RNF112: variants seen among roughly 807,000 people sequenced by gnomAD.
RNF112 encodes brain finger protein.
Under a neutral mutation model 64.7 loss-of-function variants are expected in RNF112, and 34 were observed. The ratio of observed to expected loss-of-function variants is 0.53; its 90% CI spans 0.40 to 0.70. RNF112 has a LOEUF of 0.70. RNF112 is among the 30% of genes least tolerant of loss of function. RNF112 has a pLI of 0.00. For missense variants in RNF112, 734 were observed against 850.0 expected, an observed-to-expected ratio of 0.86 and a Z score of 1.70; for synonymous variants, 345 against 344.5, an observed-to-expected ratio of 1.00 and a Z score of -0.02.
rs1913732492 is a variant in RNF112, at chr17:19,413,219, T to A, written c.589-61T>A. 1 of 1,595,308 alleles carries A rather than the reference T, an allele frequency of 6.3e-7. No homozygotes were observed. Among genetic ancestry groups the A allele is most frequent in the South Asian group, 1.1e-5 (1 of 88,882 alleles). ...CCTGCCTGGGGGAAGCTGGGTCTGG[T>A]ATTCCGGTCTGTGGGGACAAGGAAC... is the stretch of plus-strand genomic sequence containing the variant. On this transcript the variant is annotated intron_variant, in intron 4 of 13. Transcript: ENST00000461366. The surrounding 1 kb of genome is among the most constrained non-coding windows in gnomAD (Gnocchi z 5.9).
Position 19,416,237 on chromosome 17 carries a change from G to T in RNF112, c.*62G>T. The stretch of plus-strand genomic sequence containing the variant: ...AGGTGGGGATGAAGAAGAGGGGCAG[G>T]TCGGGGGAGGGTGATGCCAGGGATT... On this transcript the variant is annotated 3_prime_UTR_variant, in exon 14 of 14. Transcript: ENST00000461366. The T allele has an allele frequency of 7.1e-7, 1 of 1,415,608 alleles. No homozygotes were observed. The highest frequency in any genetic ancestry group is 1.4e-5 in the South Asian group (1 of 72,830). 87.7% of individuals were successfully genotyped at this position (1,415,608 alleles called of 1,614,324 possible).
Position 19,415,671 on chromosome 17 carries a change from G to T in RNF112, c.1426-34G>T. ...AGGGAGAGGATACCTGGGACTCCTG[G>T]TCAGGGCACCTTCTTTTCCCCTCCC... is the stretch of plus-strand genomic sequence containing the variant. On this transcript the variant is annotated intron_variant, in intron 13 of 13. Transcript: ENST00000461366. This position sits in a 1 kb window ranked among gnomAD's most constrained non-coding sequence, Gnocchi z 7.8. 5 of 1,600,852 alleles carry T rather than the reference G, an allele frequency of 3.1e-6. No homozygotes were observed. The highest frequency in any genetic ancestry group is 4.3e-6 in the Non-Finnish European group (5 of 1,172,560).
At position 19,415,355 on chromosome 17, in the gene RNF112, G is replaced by T; in HGVS notation, c.1350+16G>T. 1.3e-6 allele frequency: 2 copies of T among 1,590,446 alleles called. No homozygotes were observed. The highest frequency in any genetic ancestry group is 1.7e-6 in the Non-Finnish European group (2 of 1,167,816). On this transcript the variant is annotated intron_variant, in intron 12 of 13. Coordinates refer to ENST00000461366, the MANE Select transcript of RNF112 (RefSeq NM_007148.5). This position sits in a 1 kb window ranked among gnomAD's most constrained non-coding sequence, Gnocchi z 7.8. ...TCCGGATGAGGTATGAGCGCTGGGG[G>T]ATCCAGCATTCTGGCAGGGAGACAG...
intron 1 of RNF112, 21 bp from the exon 2 acceptor site, chr17:19,411,604 CTTTTT>C (rs33912708): frequency 1.6e-4 from 229 of 1,411,514 alleles, no homozygotes; most frequent in Middle Eastern, 6.4e-4. Context: ...TGTTCTAAAT[CTTTTT>C]TTTTTTTTTT....
In RNF112 at chr17:19,413,065, G is replaced by T; in HGVS notation, c.509G>T (p.Cys170Phe). 1.2e-6 allele frequency: 2 copies of T among 1,613,368 alleles called. No individual in the cohort carries two copies. The highest frequency in any genetic ancestry group is 1.7e-6 in the Non-Finnish European group (2 of 1,179,814). ...CCTCTGGCCAGGGACACCCCAGTCTGCCTCCTCGCTGTCCTGGGGGAGCAG... is the reference window on the plus strand; with the variant it reads ...CCTCTGGCCAGGGACACCCCAGTCTTCCTCCTCGCTGTCCTGGGGGAGCAG... ...KHPLARDTPV[C>F]LLAVLGEQHS... Residue 170 changes from cysteine (C) to phenylalanine (F), a missense_variant, in exon 4 of 14, where the codon TGC becomes TTC. Transcript: ENST00000461366. This position sits in a 1 kb window ranked among gnomAD's most constrained non-coding sequence, Gnocchi z 5.9.
Position 19,413,075 on chromosome 17 carries a change from T to C in RNF112, c.519T>C (p.Ala173=), listed in dbSNP as rs762047999. 47 of 1,613,264 alleles carry C rather than the reference T, an allele frequency of 2.9e-5. No homozygotes were observed. The South Asian group carries it at 5.1e-4, about 17-fold the overall frequency. ...GGGACACCCCAGTCTGCCTCCTCGCTGTCCTGGGGGAGCAGCACTCAGGGA... is the reference window on the plus strand; with the variant it reads ...GGGACACCCCAGTCTGCCTCCTCGCCGTCCTGGGGGAGCAGCACTCAGGGA... The part of the protein sequence containing the change: ...LARDTPVCLL[A]VLGEQHSGKS... Residue 173 remains alanine (A), a synonymous_variant, in exon 4 of 14, where the codon GCT becomes GCC. Transcript: ENST00000461366. The surrounding 1 kb of genome is among the most constrained non-coding windows in gnomAD (Gnocchi z 5.9).
At position 19,412,618 on chromosome 17, in the gene RNF112, T is replaced by C. The variant is rs1427144189; in HGVS notation, c.216T>C (p.Cys72=). The change falls in exon 3 of 14, where the codon TGT becomes TGC. Residue 72 remains cysteine (C), a synonymous_variant. Coordinates refer to ENST00000461366, the MANE Select transcript of RNF112 (RefSeq NM_007148.5). This position sits in a 1 kb window ranked among gnomAD's most constrained non-coding sequence, Gnocchi z 5.1. ...ERLRDPISLD[C]GHDFCIRCFS... The stretch of plus-strand genomic sequence containing the variant: ...TGCGCGACCCCATCTCGCTGGACTG[T>C]GGCCACGACTTCTGCATACGGTGCT... 1.2e-6 allele frequency: 2 copies of C among 1,613,542 alleles called. No homozygotes were observed. The highest frequency in any genetic ancestry group is 1.7e-5 in the Admixed American group (1 of 59,986).
chr17:19,413,576 G>T lies in RNF112; in HGVS notation c.721-1G>T. Reference sequence around the variant, plus strand: ...TGGGTCTTTCCCTACCCCCTGCATAGGTGGCGGTGTTCCTGGTGGACACAG... The same window carrying T: ...TGGGTCTTTCCCTACCCCCTGCATATGTGGCGGTGTTCCTGGTGGACACAG... On this transcript the variant is annotated splice_acceptor_variant, in intron 5 of 13. Coordinates refer to ENST00000461366, the MANE Select transcript of RNF112 (RefSeq NM_007148.5). LOFTEE classifies it high-confidence loss of function. This position sits in a 1 kb window ranked among gnomAD's most constrained non-coding sequence, Gnocchi z 5.9. The T allele has an allele frequency of 6.2e-7, 1 of 1,612,574 alleles. No homozygotes were observed. The highest frequency in any genetic ancestry group is 8.5e-7 in the Non-Finnish European group (1 of 1,179,244).
Position 19,413,336 on chromosome 17 carries a change from G to T in RNF112, c.645G>T (p.Arg215Ser). 1.2e-6 allele frequency: 2 copies of T among 1,613,416 alleles called. No individual in the cohort carries two copies. Among genetic ancestry groups the T allele is most frequent in the Non-Finnish European group, 1.7e-6 (2 of 1,179,634 alleles). The change falls in exon 5 of 14, where the codon AGG becomes AGT. Residue 215 changes from arginine (R) to serine (S), a missense_variant. Transcript: ENST00000461366. This position sits in a 1 kb window ranked among gnomAD's most constrained non-coding sequence, Gnocchi z 5.9. ...RGGEASLQGC[R>S]WGANGLARGI... The stretch of plus-strand genomic sequence containing the variant: ...GAGAGGCATCCCTGCAGGGCTGCAG[G>T]TGGGGCGCCAATGGCCTCGCCAGGG...
intron 2 of RNF112, chr17:19,411,911 A>G: frequency 3.3e-6 from 2 of 599,932 alleles, no homozygotes; most frequent in South Asian, 2.1e-5. Context: ...CATCTGCCCA[A>G]CTGCAGCACA....
chr17:19,415,649 G>A lies in RNF112; in HGVS notation c.1426-56G>A. On this transcript the variant is annotated intron_variant, in intron 13 of 13. Coordinates refer to ENST00000461366, the MANE Select transcript of RNF112 (RefSeq NM_007148.5). The surrounding 1 kb of genome is among the most constrained non-coding windows in gnomAD (Gnocchi z 7.8). ...TGGGCCGGGCAGGGTCCAGATCAGG[G>A]AGAGGATACCTGGGACTCCTGGTCA... 6.2e-7 allele frequency: 1 copy of A among 1,603,406 alleles called. No homozygotes were observed. Among genetic ancestry groups the A allele is most frequent in the Non-Finnish European group, 8.5e-7 (1 of 1,174,204 alleles).
chr17:19,416,281 C>T lies in RNF112; in HGVS notation c.*106C>T. On this transcript the variant is annotated 3_prime_UTR_variant, in exon 14 of 14. Coordinates refer to ENST00000461366, the MANE Select transcript of RNF112 (RefSeq NM_007148.5). ...AGGGATTCCAAGGCACCGCCATGTA[C>T]TGCACTGCCCTGGTCGAATGCTCGG... 2 of 1,037,946 alleles carry T rather than the reference C, an allele frequency of 1.9e-6. No individual in the cohort carries two copies. Among genetic ancestry groups the T allele is most frequent in the Non-Finnish European group, 2.7e-6 (2 of 729,328 alleles). The allele number at this position is 1,037,946 out of a possible 1,614,324, so 64.3% of individuals were successfully genotyped here.
At position 19,412,758 on chromosome 17, in the gene RNF112, A is replaced by G. The variant is rs1034528682; in HGVS notation, c.356A>G (p.Gln119Arg). 24 of 1,612,696 alleles carry G rather than the reference A, an allele frequency of 1.5e-5. No individual in the cohort carries two copies. Among genetic ancestry groups the G allele is most frequent in the Non-Finnish European group, 1.9e-5 (23 of 1,179,728 alleles). The change falls in exon 3 of 14, where the codon CAG (glutamine) becomes CGG (arginine). Residue 119 changes from glutamine to arginine, a missense_variant. Physicochemically the swap from Gln to Arg is conservative, Grantham distance 43. Transcript: ENST00000461366. This position sits in a 1 kb window ranked among gnomAD's most constrained non-coding sequence, Gnocchi z 5.1. ...SLGEKMKLLP[Q>R]RPLPPALQET... ...GGCGAGAAGATGAAGCTCCTGCCGCAGCGGCCGCTGCCCCCTGCACTGCAG... is the reference window on the plus strand; with the variant it reads ...GGCGAGAAGATGAAGCTCCTGCCGCGGCGGCCGCTGCCCCCTGCACTGCAG...
rs1302942542 is a variant in RNF112, at chr17:19,416,248, G to C, written c.*73G>C. 1 of 1,349,226 alleles carries C rather than the reference G, an allele frequency of 7.4e-7. No individual in the cohort carries two copies. Among genetic ancestry groups the C allele is most frequent in the Non-Finnish European group, 1.0e-6 (1 of 994,350 alleles). The allele number at this position is 1,349,226 out of a possible 1,614,324, so 83.6% of individuals were successfully genotyped here. The stretch of plus-strand genomic sequence containing the variant: ...AAGAAGAGGGGCAGGTCGGGGGAGG[G>C]TGATGCCAGGGATTCCAAGGCACCG... On this transcript the variant is annotated 3_prime_UTR_variant, in exon 14 of 14. Coordinates refer to ENST00000461366, the MANE Select transcript of RNF112 (RefSeq NM_007148.5).
In RNF112 at chr17:19,415,602, G is replaced by A. The variant is rs1306558430; in HGVS notation, c.1425+10G>A. The A allele has an allele frequency of 5.0e-6, 8 of 1,610,990 alleles. No homozygotes were observed. The highest frequency in any genetic ancestry group is 1.7e-5 in the Admixed American group (1 of 59,612). On this transcript the variant is annotated intron_variant, in intron 13 of 13. Coordinates refer to ENST00000461366, the MANE Select transcript of RNF112 (RefSeq NM_007148.5). This position sits in a 1 kb window ranked among gnomAD's most constrained non-coding sequence, Gnocchi z 7.8. ...GTATGTGAGGCAGCAGGTGAGCCCC[G>A]GGGCTGCACGGGAGGCAGGTGTGGG...
rs527358057 is a variant in RNF112, at chr17:19,416,858, G to A, written c.*683G>A. 6.6e-6 allele frequency: 1 copy of A among 152,422 alleles called. No homozygotes were observed. The highest frequency in any genetic ancestry group is 2.1e-4 in the South Asian group (1 of 4,830). The allele number at this position is 152,422 out of a possible 1,614,324, so 9.4% of individuals were successfully genotyped here. A position where few individuals can be genotyped will look rare whatever the true frequency, so the allele number is the denominator to read the frequency against. On this transcript the variant is annotated 3_prime_UTR_variant, in exon 14 of 14. Coordinates refer to ENST00000461366, the MANE Select transcript of RNF112 (RefSeq NM_007148.5). ...ACCACTCTTTGCTGGGCCTCCGCAA[G>A]GGCCTCTCTTGGGTCTGTGTCCTTT...
rs370576543 is a variant in RNF112 at position 19,415,240 on chromosome 17, G to A, written c.1296+33G>A. The A allele has an allele frequency of 8.1e-6, 13 of 1,597,262 alleles. No homozygotes were observed. The highest frequency in any genetic ancestry group is 2.3e-5 in the South Asian group (2 of 88,738). On this transcript the variant is annotated intron_variant, in intron 11 of 13. Transcript: ENST00000461366. This position sits in a 1 kb window ranked among gnomAD's most constrained non-coding sequence, Gnocchi z 7.8. ...AACTCCCTGGAGACCCAGGCGACTC[G>A]GCTGGGCCCCTGCTCTCCCTGACCC...
At position 19,414,490 on chromosome 17, in the gene RNF112, G is replaced by A; in HGVS notation, c.918G>A (p.Gly306=). ...CCGAGGTGATGGGCAAGCATTATGG[G>A]ATGGTGCCAATCCAGGTGAGACACC... The part of the protein sequence containing the change: ...HVAEVMGKHY[G]MVPIQHLDLL... The change falls in exon 8 of 14, where the codon GGG becomes GGA. Residue 306 remains glycine, a synonymous_variant. Transcript: ENST00000461366. 6.2e-7 allele frequency: 1 copy of A among 1,613,992 alleles called. No homozygotes were observed. Among genetic ancestry groups the A allele is most frequent in the South Asian group, 1.1e-5 (1 of 91,088 alleles).
At position 19,414,840 on chromosome 17, in the gene RNF112, C is replaced by T; in HGVS notation, c.1079C>T (p.Pro360Leu). The T allele has an allele frequency of 1.2e-6, 2 of 1,613,822 alleles. No individual in the cohort carries two copies. The highest frequency in any genetic ancestry group is 1.3e-5 in the African/African-American group (1 of 75,040). Residue 360 changes from proline to leucine, a missense_variant, in exon 10 of 14, where the codon CCT (proline) becomes CTT (leucine). Physicochemically the swap from Pro to Leu is moderately conservative, Grantham distance 98. Coordinates refer to ENST00000461366, the MANE Select transcript of RNF112 (RefSeq NM_007148.5). ...AAGCGAGCCCGTTGCTGCCTCTTGC[C>T]TGCCCCAGGGAGGCGGCGGATGAAC... ...QGKRARCCLLPAPGRRRMNQG... is the reference protein window; with the variant it reads ...QGKRARCCLLLAPGRRRMNQG...
Sources: gnomAD v4.1 joint callset for allele counts on GRCh38, gnomAD v4.1.1 for gene constraint, Gnocchi (gnomAD v3.1) non-coding constraint, MANE v1.5 for transcripts, NCBI Gene and HGNC (gene_info 2026-07-23, HGNC 2026-07-21) for gene names.